Variants in TRANK1 observed in about 807,000 individuals in gnomAD.
TRANK1 encodes the protein TPR and ankyrin repeat-containing protein 1.
In TRANK1, 198 loss-of-function variants were observed where a neutral mutation model predicts 266.0. That is an observed-to-expected ratio of 0.74 (90% CI 0.66 to 0.84). The LOEUF is 0.84. Ranked by LOEUF, TRANK1 falls within the 40% of genes least tolerant of loss-of-function variation. The pLI, the probability that TRANK1 is intolerant of heterozygous loss-of-function variation, is 0.00. For synonymous variants in TRANK1, 1,396 were observed against 1,384.1 expected (o/e 1.01, Z -0.19); for missense variants, 3,326 against 3,634.6 (o/e 0.92, Z 2.18).
chr3:36,900,211 C>A (rs1261221047), intron 3 of TRANK1, among the ~76,000 whole-genome samples: 4 of 151,982 alleles, frequency 2.6e-5, no homozygotes, highest in Admixed American at 6.6e-5. Context: ...ACAGCTTGGG[C>A]CGGAACAAAA....
chr3:36,933,394 G>A (rs1006461701), intron 1 of TRANK1, among the ~76,000 whole-genome samples: 1 of 152,272 alleles, frequency 6.6e-6, no homozygotes, highest in Non-Finnish European at 1.5e-5. Context: ...CTGTTTGAGT[G>A]TTCAATCTCC....
chr3:36,833,821 G>C lies in TRANK1; in HGVS notation c.5762C>G (p.Ala1921Gly). Residue 1921 changes from alanine to glycine, a missense_variant, in exon 22 of 24, where the codon GCA becomes GGA. Physicochemically the swap from Ala to Gly is moderately conservative, Grantham distance 60. Coordinates refer to ENST00000645898, the MANE Select transcript of TRANK1 (RefSeq NM_001329998.2). ...YLEAAAKYLS[A>G]NKMKEMMAVL... ...AGCCATCATTTCCTTCATCTTATTT[G>C]CACTCAGATACTTTGCTGCAGCTTC... 1 of 1,613,944 alleles carries C rather than the reference G, an allele frequency of 6.2e-7. No homozygotes were observed. The highest frequency in any genetic ancestry group is 8.5e-7 in the Non-Finnish European group (1 of 1,179,892).
chr3:36,894,650 C>G (rs546309950), intron 5 of TRANK1, among the ~76,000 whole-genome samples: 121 of 152,332 alleles, frequency 7.9e-4, no homozygotes, highest in African/African-American at 2.7e-3. Flanking sequence ...ATTGTCAGTG[C>G]ATGACAAGAG....
intron 19 of TRANK1, 42 bp downstream of exon 19, chr3:36,838,571 A>G: frequency 6.2e-7 from 1 of 1,613,818 alleles, no homozygotes; most frequent in Non-Finnish European, 8.5e-7. Context: ...TTAACCTGCT[A>G]CTCCCATCGG....
At chr3:36,923,406 C>G (rs949853676) in intron 1 of TRANK1, among the ~76,000 whole-genome samples, 1 of 152,108 alleles carries the variant, frequency 6.6e-6, no homozygotes, top group Non-Finnish European at 1.5e-5. Context: ...CAGGCGTGCG[C>G]CACCACGCCC....
intron 15 of TRANK1, 100 bp from the exon 16 acceptor site, chr3:36,847,446 CAG>C (rs1001735434): frequency 1.5e-6 from 2 of 1,334,900 alleles, no homozygotes; most frequent in African/African-American, 2.9e-5. Flanking sequence ...ATCGGGGGAC[CAG>C]GCCTTCAACC....
rs1228557387 is a variant in TRANK1, at chr3:36,833,880, G to A, written c.5703C>T (p.Ser1901=). 1 of 1,613,500 alleles carries A rather than the reference G, an allele frequency of 6.2e-7. No homozygotes were observed. Among genetic ancestry groups the A allele is most frequent in the South Asian group, 1.1e-5 (1 of 91,056 alleles). Residue 1901 remains serine, a synonymous_variant, in exon 22 of 24, where the codon TCC becomes TCT. Transcript: ENST00000645898. The part of the protein sequence containing the change: ...EMLKTKTLPI[S]KLSYSASQFY... ...ACTGACTGGCAGAATAGGAGAGCTTGGAAATGGGAAGGGTCTTAGTCTTTA... is the reference window on the plus strand; with the variant it reads ...ACTGACTGGCAGAATAGGAGAGCTTAGAAATGGGAAGGGTCTTAGTCTTTA...
intron 2 of TRANK1, among the ~76,000 whole-genome samples, chr3:36,906,288 A>T (rs2079966708): frequency 6.6e-6 from 1 of 152,160 alleles, no homozygotes; most frequent in Non-Finnish European, 1.5e-5. Context: ...ATTTGGTGCC[A>T]TTTCCTAGCA....
intron 8 of TRANK1, among the ~76,000 whole-genome samples, chr3:36,885,243 A>G (rs1438642514): frequency 6.6e-6 from 1 of 152,236 alleles, no homozygotes; most frequent in Non-Finnish European, 1.5e-5. Context: ...TGACATCATG[A>G]ACCCCTTGGT....
chr3:36,860,929 A>G lies in TRANK1; in HGVS notation c.1472T>C (p.Leu491Pro). The G allele has an allele frequency of 6.5e-7, 1 of 1,537,448 alleles. No individual in the cohort carries two copies. The highest frequency in any genetic ancestry group is 8.7e-7 in the Non-Finnish European group (1 of 1,146,940). ...ACCTCCACTGTCTATCAGGCAGCCC[A>G]GAAGCTGTTTCTTCCGCTGGTCCCA... ...STWDQRKKQL[L>P]GCLIDSGALP... The change falls in exon 11 of 24, where the codon CTG becomes CCG. Residue 491 changes from leucine (L) to proline (P), a missense_variant. Coordinates refer to ENST00000645898, the MANE Select transcript of TRANK1 (RefSeq NM_001329998.2).
intron 1 of TRANK1, among the ~76,000 whole-genome samples, chr3:36,910,801 C>A (rs1365836010): frequency 2.0e-5 from 3 of 151,436 alleles, no homozygotes; most frequent in African/African-American, 7.3e-5. Context: ...CTGGCTCATG[C>A]CTGTAATCCC....
intron 8 of TRANK1, among the ~76,000 whole-genome samples, chr3:36,884,571 A>G (rs753248319): frequency 6.6e-6 from 1 of 152,234 alleles, no homozygotes; most frequent in Non-Finnish European, 1.5e-5. Context: ...TAAACATCCG[A>G]GTCCATACTG....
Position 36,864,345 on chromosome 3 carries a change from A to G in TRANK1, c.1214T>C (p.Phe405Ser). The G allele has an allele frequency of 6.5e-7, 1 of 1,534,644 alleles. No homozygotes were observed. Among genetic ancestry groups the G allele is most frequent in the Non-Finnish European group, 8.7e-7 (1 of 1,145,970 alleles). Reference protein sequence around the residue: ...NFLKQEVVQRFLRLLSTLQEI... With the variant: ...NFLKQEVVQRSLRLLSTLQEI... ...TTGCAGAGTAGAAAGGAGACGCAAG[A>G]ACCTCTGAACTACTTCCTGCTTCAG... Residue 405 changes from phenylalanine (F) to serine (S), a missense_variant, in exon 10 of 24, where the codon TTC (phenylalanine) becomes TCC (serine). Physicochemically the swap from Phe to Ser is radical, Grantham distance 155. Transcript: ENST00000645898.
chr3:36,873,956 TAAA>T (rs373590008), intron 9 of TRANK1, among the ~76,000 whole-genome samples, 167 bp downstream of exon 9: 3 of 126,830 alleles, frequency 2.4e-5, no homozygotes, highest in Non-Finnish European at 3.4e-5. Flanking sequence ...ATTCTACCTT[TAAA>T]AAAAAAAAAA....
Position 36,864,366 on chromosome 3 carries a change from T to A in TRANK1, c.1193A>T (p.Lys398Met). The change falls in exon 10 of 24, where the codon AAG (lysine) becomes ATG (methionine). Residue 398 changes from lysine (K) to methionine (M), a missense_variant. Coordinates refer to ENST00000645898, the MANE Select transcript of TRANK1 (RefSeq NM_001329998.2). ...CAAGAACCTCTGAACTACTTCCTGC[T>A]TCAGAAAGTTTTTATGCAATAACCG... Reference protein sequence around the residue: ...GNRLLHKNFLKQEVVQRFLRL... With the variant: ...GNRLLHKNFLMQEVVQRFLRL... 1 of 1,536,990 alleles carries A rather than the reference T, an allele frequency of 6.5e-7. No individual in the cohort carries two copies. The highest frequency in any genetic ancestry group is 8.7e-7 in the Non-Finnish European group (1 of 1,146,770).
chr3:36,917,578 G>A (rs914236875), intron 1 of TRANK1, among the ~76,000 whole-genome samples: 1 of 152,094 alleles, frequency 6.6e-6, no homozygotes, highest in African/African-American at 2.4e-5. Context: ...GTTTAAGGGA[G>A]GGCAGGAGAT....
At chr3:36,872,881 A>C (rs1436675233) in intron 9 of TRANK1, among the ~76,000 whole-genome samples, 3 of 132,134 alleles carry the variant, frequency 2.3e-5, no homozygotes, top group African/African-American at 4.3e-5. Flanking sequence ...CCATATCTAG[A>C]TACATACTAG....
intron 8 of TRANK1, among the ~76,000 whole-genome samples, chr3:36,876,748 G>C (rs192731371): frequency 2.4e-4 from 37 of 152,322 alleles, no homozygotes; most frequent in Admixed American, 1.5e-3. Context: ...CATGAAGACA[G>C]CTTTGAAGCA....
At chr3:36,939,009 T>C (rs532539569) in intron 1 of TRANK1, among the ~76,000 whole-genome samples, 1 of 151,138 alleles carries the variant, frequency 6.6e-6, no homozygotes, top group African/African-American at 2.4e-5. Context: ...TTGTGACACA[T>C]GCTGGTAATT....
Sources: gnomAD v4.1 joint callset for allele counts (sites outside exome capture counted in the v4.1 genomes callset) on GRCh38, gnomAD v4.1.1 for gene constraint, MANE v1.5 for transcripts, NCBI Gene and HGNC (gene_info 2026-07-23, HGNC 2026-07-21) for gene names.